CDK6: variants seen among roughly 807,000 people sequenced by gnomAD.
CDK6 encodes cyclin dependent kinase 6.
CDK6 carries 6 observed loss-of-function variants against 37.1 expected under a neutral mutation model. The ratio of observed to expected loss-of-function variants is 0.16; its 90% confidence interval spans 0.09 to 0.32. CDK6 has a LOEUF of 0.32. Ranked by LOEUF, CDK6 falls within the 10% of genes least tolerant of loss-of-function variation. The pLI, the probability that CDK6 is intolerant of heterozygous loss-of-function variation, is 1.00. For missense variants in CDK6, 224 were observed against 418.9 expected (o/e 0.53, Z 4.06); for synonymous variants, 160 against 161.3 (o/e 0.99, Z 0.06).
At chr7:92,694,437 T>C (rs1027554619) in intron 4 of CDK6, among the ~76,000 whole-genome samples, 3 of 152,182 alleles carry the variant, frequency 2.0e-5, no homozygotes, top group Non-Finnish European at 4.4e-5. Flanking sequence ...TCACAGAAAC[T>C]TGACATTTAC....
chr7:92,623,735 A>G (rs1795861052), intron 5 of CDK6, among the ~76,000 whole-genome samples: 1 of 152,168 alleles, frequency 6.6e-6, no homozygotes, highest in African/African-American at 2.4e-5. Context: ...TCATTTTGTG[A>G]CATTTCTGGC....
intron 2 of CDK6, among the ~76,000 whole-genome samples, chr7:92,808,889 T>C (rs1038343467): frequency 6.6e-6 from 1 of 152,190 alleles, no homozygotes; most frequent in South Asian, 2.1e-4. Flanking sequence ...TTGGATTACA[T>C]GTGCAAAAAG....
intron 3 of CDK6, among the ~76,000 whole-genome samples, chr7:92,733,223 C>G (rs1448511828): frequency 1.3e-5 from 2 of 152,122 alleles, no homozygotes; most frequent in Non-Finnish European, 2.9e-5. Flanking sequence ...TTATCCTTTT[C>G]TCTTTGAGGT....
intron 2 of CDK6, among the ~76,000 whole-genome samples, chr7:92,826,860 AACATAT>A (rs1801330919): frequency 6.6e-6 from 1 of 152,124 alleles, no homozygotes; most frequent in African/African-American, 2.4e-5. Context: ...TCAATCAGGA[AACATAT>A]ACGGGTTAAC....
intron 2 of CDK6, among the ~76,000 whole-genome samples, chr7:92,803,845 T>G (rs1800654947): frequency 6.6e-6 from 1 of 152,210 alleles, no homozygotes; most frequent in South Asian, 2.1e-4. Context: ...TCTATTAGAC[T>G]TGGTTAATAT....
intron 4 of CDK6, among the ~76,000 whole-genome samples, chr7:92,702,880 T>C (rs751061932): frequency 6.6e-6 from 1 of 152,176 alleles, no homozygotes; most frequent in African/African-American, 2.4e-5. Flanking sequence ...AGCCAGGCAA[T>C]TCTCTACTGC....
chr7:92,785,195 T>A (rs907096575), intron 2 of CDK6, among the ~76,000 whole-genome samples: 4 of 152,192 alleles, frequency 2.6e-5, no homozygotes, highest in Non-Finnish European at 5.9e-5. Flanking sequence ...TGGAATACTA[T>A]TTAGTAATAG....
At chr7:92,724,968 T>A in intron 4 of CDK6, 1 of 933,222 alleles carries the variant, frequency 1.1e-6, no homozygotes, top group Non-Finnish European at 1.3e-6. Context: ...TATGGAGAAA[T>A]AGAAGCTAAC....
chr7:92,696,952 G>T (rs962194429), intron 4 of CDK6, among the ~76,000 whole-genome samples: 3 of 152,174 alleles, frequency 2.0e-5, no homozygotes, highest in Admixed American at 6.5e-5. Flanking sequence ...TATGAGACAG[G>T]AATGAGAGAG....
At chr7:92,671,369 C>A in intron 5 of CDK6, 57 bp downstream of exon 5, 1 of 1,126,166 alleles carries the variant, frequency 8.9e-7, no homozygotes, top group Non-Finnish European at 1.2e-6. Flanking sequence ...CTCAAATTCA[C>A]AAAGATCCAC....
intron 6 of CDK6, among the ~76,000 whole-genome samples, chr7:92,619,588 G>A (rs1039974630): frequency 6.6e-6 from 1 of 151,714 alleles, no homozygotes; most frequent in Admixed American, 6.6e-5. Context: ...TGTACTTCCA[G>A]ATTTCAGGAA....
chr7:92,641,520 T>C (rs1796304858), intron 5 of CDK6, among the ~76,000 whole-genome samples: 1 of 152,242 alleles, frequency 6.6e-6, no homozygotes, highest in Admixed American at 6.5e-5. Context: ...TACTTTCTGG[T>C]ATAACAAGAT....
In CDK6 at chr7:92,714,436, T is replaced by C. The variant is rs73710461; in HGVS notation, c.537+11190A>G. 2.9e-3 allele frequency among the ~76,000 whole-genome samples: 439 copies of C among 152,288 alleles called. 1 individual carries two copies. Among genetic ancestry groups the C allele is most frequent in the African/African-American group, 1.0e-2 (415 of 41,566 alleles). Reference sequence around the variant, plus strand: ...GAATGGAGAGAAAGGTTAGGAACAGTTGACTGCTGCATTCCGGAGCTCAGA... The same window carrying C: ...GAATGGAGAGAAAGGTTAGGAACAGCTGACTGCTGCATTCCGGAGCTCAGA... On this transcript the variant is annotated intron_variant, in intron 4 of 7. Coordinates refer to ENST00000424848, the MANE Select transcript of CDK6 (RefSeq NM_001145306.2).
intron 2 of CDK6, 56 bp from the exon 3 acceptor site, chr7:92,774,887 T>C (rs1164294633): frequency 6.5e-7 from 1 of 1,539,542 alleles, no homozygotes; most frequent in Non-Finnish European, 8.8e-7. Context: ...AAGTAACCTG[T>C]ATGTTTTATA....
intron 2 of CDK6, among the ~76,000 whole-genome samples, chr7:92,805,512 C>G (rs1800701335): frequency 6.6e-6 from 1 of 152,102 alleles, no homozygotes; most frequent in African/African-American, 2.4e-5. Context: ...ATGAAACCTA[C>G]TCTTCATAAA....
chr7:92,620,725 T>G (rs1287663155), intron 6 of CDK6, among the ~76,000 whole-genome samples: 2 of 151,928 alleles, frequency 1.3e-5, no homozygotes, highest in Non-Finnish European at 2.9e-5. Flanking sequence ...CTGGGCAACA[T>G]GGTGAAACTC....
intron 4 of CDK6, among the ~76,000 whole-genome samples, chr7:92,718,536 G>A (rs1445348120): frequency 6.6e-6 from 1 of 152,128 alleles, no homozygotes; most frequent in Non-Finnish European, 1.5e-5. Flanking sequence ...CTCTGGTCCT[G>A]CTTCACTTTG....
chr7:92,625,406 T>C (rs1795903500), intron 5 of CDK6, among the ~76,000 whole-genome samples: 1 of 151,990 alleles, frequency 6.6e-6, no homozygotes, highest in Non-Finnish European at 1.5e-5. Context: ...TCACTAAATA[T>C]TGCTTACATG....
chr7:92,831,914 C>T (rs534694684), intron 2 of CDK6, among the ~76,000 whole-genome samples: 64 of 152,284 alleles, frequency 4.2e-4, no homozygotes, highest in Non-Finnish European at 7.9e-4. Context: ...GGTCTCTCCA[C>T]TTTGATGACT....
Sources: allele counts gnomAD v4.1 joint callset (sites outside exome capture counted in the v4.1 genomes callset), GRCh38; gene constraint gnomAD v4.1.1; transcripts MANE v1.5; gene names NCBI Gene and HGNC (gene_info 2026-07-23, HGNC 2026-07-21).